SLF2: variants seen among roughly 807,000 people sequenced by gnomAD.
The protein encoded by SLF2 is SMC5/6 complex localization factor 2.
SLF2 carries 68 observed loss-of-function variants against 124.3 expected under a neutral mutation model. The observed-to-expected ratio is 0.55, with a 90% CI of 0.45 to 0.67. The LOEUF is 0.67. SLF2 is among the 30% of genes least tolerant of loss of function. SLF2 has a pLI of 0.00. For missense variants in SLF2, 1,246 were observed against 1,373.7 expected (o/e 0.91, Z 1.47); for synonymous variants, 480 against 478.8 (o/e 1.00, Z -0.03).
At position 100,918,379 on chromosome 10, in the gene SLF2, C is replaced by A. The variant is rs373424239; in HGVS notation, c.916-5C>A. On this transcript the variant is annotated splice_polypyrimidine_tract_variant and splice_region_variant and intron_variant, in intron 3 of 19. Transcript: ENST00000238961. ...TTAATTAATTTTATCTCATTGTGCT[C>A]ATAGGAAAATGGACATCTCTCAAGA... is the stretch of plus-strand genomic sequence containing the variant. The A allele has an allele frequency of 1.3e-6, 2 of 1,582,254 alleles. No homozygotes were observed. Among genetic ancestry groups the A allele is most frequent in the Admixed American group, 1.8e-5 (1 of 56,632 alleles).
chr10:100,955,905 CAA>C (rs56283306), intron 17 of SLF2, among the ~76,000 whole-genome samples: 199 of 136,598 alleles, frequency 1.5e-3, no homozygotes, highest in Middle Eastern at 3.8e-3. Flanking sequence ...GACTCTGTCT[CAA>C]AAAAAAAAAA....
At chr10:100,928,041 C>CACACACA (rs571731801) in intron 6 of SLF2, among the ~76,000 whole-genome samples, 1 of 45,014 alleles carries the variant, frequency 2.2e-5, no homozygotes, top group Non-Finnish European at 5.8e-5. Flanking sequence ...ACCCCCCCCC[C>CACACACA]CCCCCACACA....
chr10:100,924,430 T>G lies in SLF2; in HGVS notation c.1429T>G (p.Ser477Ala), dbSNP rs1219346049. 1 of 1,614,190 alleles carries G rather than the reference T, an allele frequency of 6.2e-7. No homozygotes were observed. Reference sequence around the variant, plus strand: ...GAAGGAGACAAAACTACCTTTACTTTCCCGTGTTCCAAGTGCTGGTTCCTC... The same window carrying G: ...GAAGGAGACAAAACTACCTTTACTTGCCCGTGTTCCAAGTGCTGGTTCCTC... ...KEKETKLPLL[S>A]RVPSAGSSLV... is the part of the protein sequence containing the mutation. Residue 477 changes from serine to alanine, a missense_variant, in exon 5 of 20, where the codon TCC (serine) becomes GCC (alanine). Ser to Ala is a moderately conservative substitution (Grantham distance 99). Transcript: ENST00000238961.
At chr10:100,930,854 T>A in intron 8 of SLF2, 122 bp from the exon 9 acceptor site, 1 of 728,916 alleles carries the variant, frequency 1.4e-6, no homozygotes. Flanking sequence ...AGAGTCCACC[T>A]CTATGGACTG....
At chr10:100,959,708 A>C in intron 19 of SLF2, 1 of 804,616 alleles carries the variant, frequency 1.2e-6, no homozygotes, top group Non-Finnish European at 1.7e-6. Flanking sequence ...GGTTGAGCCC[A>C]TTTAAAAATA....
rs1023068954 is a variant in SLF2, at chr10:100,964,170, G to A, written c.*2258G>A. ...CTCCCTCCTGCTGCTATTGCCCGGT[G>A]AATGGGATGGTAGAGAGGGAGAAAT... On this transcript the variant is annotated 3_prime_UTR_variant, in exon 20 of 20. Transcript: ENST00000238961. The A allele has an allele frequency of 3.3e-5, 5 of 152,644 alleles. No homozygotes were observed. The highest frequency in any genetic ancestry group is 7.3e-5 in the Non-Finnish European group (5 of 68,050). 9.5% of individuals were successfully genotyped at this position (152,644 alleles called of 1,614,324 possible).
rs1453337792 is a variant in SLF2 at position 100,945,476 on chromosome 10, G to A, written c.2904G>A (p.Leu968=). Residue 968 remains leucine (L), a synonymous_variant, in exon 13 of 20, where the codon CTG becomes CTA. Coordinates refer to ENST00000238961, the MANE Select transcript of SLF2 (RefSeq NM_018121.4). Reference sequence around the variant, plus strand: ...ACTTTCAAAGCCTCCTGATAAACCTGATGAAAAACATCAGAGATTGGAACA... The same window carrying A: ...ACTTTCAAAGCCTCCTGATAAACCTAATGAAAAACATCAGAGATTGGAACA... ...LVDFQSLLIN[L]MKNIRDWNTK... is the part of the protein sequence containing the mutation. 1.7e-5 allele frequency: 26 copies of A among 1,570,878 alleles called. No homozygotes were observed. Among genetic ancestry groups the A allele is most frequent in the Non-Finnish European group, 2.2e-5 (26 of 1,168,928 alleles).
chr10:100,917,403 C>A, intron 3 of SLF2, 103 bp downstream of exon 3: 1 of 1,297,596 alleles, frequency 7.7e-7, no homozygotes, highest in Non-Finnish European at 1.0e-6. Flanking sequence ...TGACGTCTTT[C>A]CTGAAGGAAA....
At chr10:100,959,908 C>G (rs1282208636) in intron 19 of SLF2, among the ~76,000 whole-genome samples, 1 of 152,134 alleles carries the variant, frequency 6.6e-6, no homozygotes, top group Non-Finnish European at 1.5e-5. Flanking sequence ...AAATCCCATA[C>G]CCATTAGCAG....
At chr10:100,925,355 ATAGAC>A (rs565150532) in intron 5 of SLF2, among the ~76,000 whole-genome samples, 363 of 152,370 alleles carry the variant, frequency 2.4e-3, no homozygotes, top group African/African-American at 8.5e-3. Flanking sequence ...AGAAGTTACT[ATAGAC>A]TAAGTTCTAC....
chr10:100,956,084 CTT>C (rs879338416), intron 17 of SLF2, among the ~76,000 whole-genome samples: 7 of 141,932 alleles, frequency 4.9e-5, no homozygotes, highest in South Asian at 2.3e-4. Flanking sequence ...AAATTTTTTT[CTT>C]TTTTTTTTTT....
intron 17 of SLF2, among the ~76,000 whole-genome samples, chr10:100,954,908 T>C (rs1027734843): frequency 2.0e-5 from 3 of 151,660 alleles, no homozygotes; most frequent in Non-Finnish European, 4.4e-5. Context: ...ATCCCACCAT[T>C]GCACTCCAGC....
Position 100,962,239 on chromosome 10 carries a change from T to G in SLF2, c.*327T>G, listed in dbSNP as rs1850438334. 5.3e-6 allele frequency: 1 copy of G among 188,076 alleles called. No homozygotes were observed. Among genetic ancestry groups the G allele is most frequent in the South Asian group, 1.9e-4 (1 of 5,232 alleles). The allele number at this position is 188,076 out of a possible 1,614,324, so 11.7% of individuals were successfully genotyped here. A position where few individuals can be genotyped will look rare whatever the true frequency, so the allele number is the denominator to read the frequency against. ...TTGTTAAATTATAAGCCAGTTATCT[T>G]TTTTAGATAGTATTTTTGTCACTTG... is the stretch of plus-strand genomic sequence containing the variant. On this transcript the variant is annotated 3_prime_UTR_variant, in exon 20 of 20. Transcript: ENST00000238961.
At chr10:100,944,807 C>A (rs1366788774) in intron 12 of SLF2, among the ~76,000 whole-genome samples, 1 of 152,070 alleles carries the variant, frequency 6.6e-6, no homozygotes, top group East Asian at 1.9e-4. Context: ...GGTGGATCAC[C>A]TGAGGTCAGG....
At chr10:100,959,406 T>C (rs1187544311) in intron 18 of SLF2, 22 bp from the exon 19 acceptor site, 1 of 1,593,776 alleles carries the variant, frequency 6.3e-7, no homozygotes, top group Non-Finnish European at 8.5e-7. Context: ...TGATCCCTTT[T>C]CCTGTTTTTG....
Position 100,937,426 on chromosome 10 carries a change from A to G in SLF2, c.2461A>G (p.Ile821Val). The change falls in exon 10 of 20, where the codon ATT becomes GTT. Residue 821 changes from isoleucine to valine, a missense_variant. Ile to Val is a conservative substitution (Grantham distance 29). This residue lies in a region of SLF2 where 535 missense variants were observed against 632.8 expected (regional missense o/e 0.85). Transcript: ENST00000238961. ...GATGATGTCAGTTCATACAGACTGT[A>G]TTGTGTCAGTGCAGATTTTAAGTAC... is the stretch of plus-strand genomic sequence containing the variant. ...FRMMSVHTDC[I>V]VSVQILSTLM... 3 of 1,609,994 alleles carry G rather than the reference A, an allele frequency of 1.9e-6. No individual in the cohort carries two copies.
At chr10:100,937,972 T>C (rs1322991341) in intron 10 of SLF2, among the ~76,000 whole-genome samples, 3 of 152,190 alleles carry the variant, frequency 2.0e-5, no homozygotes, top group Non-Finnish European at 2.9e-5. Flanking sequence ...ATTTTCTTAC[T>C]TGCATTGAGA....
rs758855987 is a variant in SLF2, at chr10:100,926,016, A to C, written c.2039A>C (p.Gln680Pro). ...ERLVKEMEDT[Q>P]RLDELQKQLQ... ...CTAGTGAAGGAAATGGAAGACACAC[A>C]AAGGTTTGTTAGCATAAAGATTAAT... is the stretch of plus-strand genomic sequence containing the variant. Residue 680 changes from glutamine to proline, a missense_variant, in exon 6 of 20, where the codon CAA becomes CCA. Coordinates refer to ENST00000238961, the MANE Select transcript of SLF2 (RefSeq NM_018121.4). 4.3e-6 allele frequency: 7 copies of C among 1,614,020 alleles called. No homozygotes were observed. The highest frequency in any genetic ancestry group is 5.9e-6 in the Non-Finnish European group (7 of 1,180,014).
At chr10:100,942,797 G>A (rs1048025301) in intron 11 of SLF2, among the ~76,000 whole-genome samples, 1 of 152,134 alleles carries the variant, frequency 6.6e-6, no homozygotes, top group African/African-American at 2.4e-5. Flanking sequence ...GGGATTACAA[G>A]CGTGAGCCAC....
Sources: gnomAD v4.1 joint callset for allele counts (sites outside exome capture counted in the v4.1 genomes callset) on GRCh38, gnomAD v4.1.1 for gene constraint, gnomAD v4.1.1 regional missense constraint, MANE v1.5 for transcripts, NCBI Gene and HGNC (gene_info 2026-07-23, HGNC 2026-07-21) for gene names.